The following MAD2L1BP variants were observed in gnomAD, a reference collection of about 807,000 sequenced individuals.
MAD2L1BP encodes the protein MAD2L1 binding protein, also known as MAD2L1-binding protein.
Under a neutral mutation model 28.4 loss-of-function variants are expected in MAD2L1BP, and 22 were observed. The ratio of observed to expected loss-of-function variants is 0.77; its 90% confidence interval spans 0.55 to 1.10. The LOEUF (loss-of-function observed/expected upper bound fraction) is 1.10. Among genes scored for constraint, MAD2L1BP ranks in the 50% least tolerant of loss-of-function variants. The pLI, the probability that MAD2L1BP is intolerant of heterozygous loss-of-function variation, is 0.00. For missense variants in MAD2L1BP, 325 were observed against 350.5 expected (o/e 0.93, Z 0.58); for synonymous variants, 146 against 133.7 (o/e 1.09, Z -0.63).
At chr6:43,639,649 C>T (rs1156750657) in intron 2 of MAD2L1BP, among the ~76,000 whole-genome samples, 1 of 152,156 alleles carries the variant, frequency 6.6e-6, no homozygotes, top group African/African-American at 2.4e-5. Context: ...AGTGGAAGAA[C>T]AAGTTCAAAG....
At chr6:43,636,785 C>T (rs1770249822) in intron 2 of MAD2L1BP, 139 bp downstream of exon 2, 2 of 996,024 alleles carry the variant, frequency 2.0e-6, no homozygotes, top group African/African-American at 1.6e-5. Context: ...TTTCTCCCCA[C>T]TCTAGTCTTT....
At position 43,640,119 on chromosome 6, in the gene MAD2L1BP, C is replaced by T. The variant is rs181260650; in HGVS notation, c.411C>T (p.His137=). ...ALAELESVLS[H]LEDFFARTLV... ...CAGAACTGGAGAGTGTCCTCAGCCACCTGGAGGACTTCTTTGCACGGACAC... is the reference window on the plus strand; with the variant it reads ...CAGAACTGGAGAGTGTCCTCAGCCATCTGGAGGACTTCTTTGCACGGACAC... The change falls in exon 3 of 3, where the codon CAC becomes CAT. Residue 137 remains histidine (H), a synonymous_variant. Transcript: ENST00000372171. 139 of 1,609,164 alleles carry T rather than the reference C, an allele frequency of 8.6e-5. 1 individual carries two copies. The East Asian group carries it at 1.6e-3, about 19-fold the overall frequency.
At chr6:43,630,810 GAGGC>G (rs1261814810) in intron 1 of MAD2L1BP, among the ~76,000 whole-genome samples, 1 of 149,612 alleles carries the variant, frequency 6.7e-6, no homozygotes, top group Non-Finnish European at 1.5e-5. Context: ...TCGGGAGACT[GAGGC>G]AGGAGAATCG....
upstream of MAD2L1BP, among the ~76,000 whole-genome samples, chr6:43,635,454 T>C (rs554538867): frequency 2.0e-5 from 3 of 152,360 alleles, no homozygotes; most frequent in South Asian, 6.2e-4. Flanking sequence ...TACACTTTTC[T>C]GTATAATTCA....
chr6:43,635,716 C>G, upstream of MAD2L1BP: 1 of 636,294 alleles, frequency 1.6e-6, no homozygotes, highest in Non-Finnish European at 2.5e-6. Flanking sequence ...AAAGGAGGAA[C>G]GCAGGGTTCA....
At chr6:43,636,720 G>T in intron 2 of MAD2L1BP, 74 bp downstream of exon 2, 1 of 1,528,346 alleles carries the variant, frequency 6.5e-7, no homozygotes, top group Non-Finnish European at 8.9e-7. Flanking sequence ...TAGAAAGGGG[G>T]TCTAAGAAAT....
At position 43,636,619 on chromosome 6, in the gene MAD2L1BP, G is replaced by A. The variant is rs756842492; in HGVS notation, c.285G>A (p.Lys95=). The A allele has an allele frequency of 5.0e-6, 8 of 1,613,534 alleles. No individual in the cohort carries two copies. In the South Asian group the frequency reaches 5.5e-5, roughly 11 times the overall value. The part of the protein sequence containing the change: ...QQLPLPYEQL[K]HFYRKPSPQA... Reference sequence around the variant, plus strand: ...TCCCTCTGCCCTATGAACAGCTTAAGCACTTTTACCGAAAACCTTCTCCCC... The same window carrying A: ...TCCCTCTGCCCTATGAACAGCTTAAACACTTTTACCGAAAACCTTCTCCCC... The change falls in exon 2 of 3, where the codon AAG becomes AAA. Residue 95 remains lysine (K), a synonymous_variant. Coordinates refer to ENST00000372171, the MANE Select transcript of MAD2L1BP (RefSeq NM_014628.3).
chr6:43,633,423 C>T (rs1040958049), upstream of MAD2L1BP: 5 of 267,112 alleles, frequency 1.9e-5, no homozygotes, highest in East Asian at 4.6e-4. Context: ...CTGCACACCT[C>T]GACCTCCCAA....
intron 2 of MAD2L1BP, among the ~76,000 whole-genome samples, chr6:43,637,843 C>T (rs2127864837): frequency 6.6e-6 from 1 of 152,212 alleles, no homozygotes; most frequent in South Asian, 2.1e-4. Flanking sequence ...AGGTGATCCG[C>T]CTGCCTCAGC....
chr6:43,638,523 G>A (rs1423867502), intron 2 of MAD2L1BP, among the ~76,000 whole-genome samples: 9 of 151,710 alleles, frequency 5.9e-5, no homozygotes, highest in East Asian at 2.0e-4. Context: ...TTGGCCGGGC[G>A]CGGTGGCTCA....
In MAD2L1BP at chr6:43,640,628, C is replaced by T; in HGVS notation, c.*95C>T. Reference sequence around the variant, plus strand: ...TCTGGTTTGGAGCTAGAGTTGCTTCCTGGTGAGAGAGGAAGCAACTCTCCT... The same window carrying T: ...TCTGGTTTGGAGCTAGAGTTGCTTCTTGGTGAGAGAGGAAGCAACTCTCCT... On this transcript the variant is annotated 3_prime_UTR_variant, in exon 3 of 3. Coordinates refer to ENST00000372171, the MANE Select transcript of MAD2L1BP (RefSeq NM_014628.3). 7.2e-7 allele frequency: 1 copy of T among 1,381,228 alleles called. No individual in the cohort carries two copies. Among genetic ancestry groups the T allele is most frequent in the Non-Finnish European group, 9.7e-7 (1 of 1,033,622 alleles). 85.6% of individuals were successfully genotyped at this position (1,381,228 alleles called of 1,614,324 possible).
Position 43,637,321 on chromosome 6 carries a change from T to G in MAD2L1BP, c.312+675T>G, listed in dbSNP as rs573273741. Among the ~76,000 whole-genome samples the G allele has an allele frequency of 3.1e-3, 468 of 151,990 alleles. 3 individuals carry two copies. Among genetic ancestry groups the G allele is most frequent in the African/African-American group, 0.01 (432 of 41,468 alleles). ...CTCAAGTGATCTGCCCGCCTTGGCCTCTCCCAAAGTGCTGGGATTACAGGC... is the reference window on the plus strand; with the variant it reads ...CTCAAGTGATCTGCCCGCCTTGGCCGCTCCCAAAGTGCTGGGATTACAGGC... On this transcript the variant is annotated intron_variant, in intron 2 of 2. Coordinates refer to ENST00000372171, the MANE Select transcript of MAD2L1BP (RefSeq NM_014628.3).
At position 43,640,441 on chromosome 6, in the gene MAD2L1BP, C is replaced by G; in HGVS notation, c.733C>G (p.Leu245Val). The change falls in exon 3 of 3, where the codon CTG becomes GTG. Residue 245 changes from leucine (L) to valine (V), a missense_variant. Coordinates refer to ENST00000372171, the MANE Select transcript of MAD2L1BP (RefSeq NM_014628.3). The stretch of plus-strand genomic sequence containing the variant: ...CCGGGGCCATAAACTGACTGTGACC[C>G]TGTCATGTGGCAGACCTTCCATCCG... ...PSRGHKLTVT[L>V]SCGRPSIRTT... 1 of 1,613,884 alleles carries G rather than the reference C, an allele frequency of 6.2e-7. No homozygotes were observed. The highest frequency in any genetic ancestry group is 1.1e-5 in the South Asian group (1 of 91,066).
At chr6:43,629,604 A>C (rs1341248232) in exon 1 of MAD2L1BP, 1 of 813,346 alleles carries the variant, frequency 1.2e-6, no homozygotes, top group African/African-American at 1.7e-5. Flanking sequence ...AAGAGCTTAC[A>C]TCAGAATCGA....
At chr6:43,630,811 A>C (rs1333642571) in intron 1 of MAD2L1BP, among the ~76,000 whole-genome samples, 1 of 147,564 alleles carries the variant, frequency 6.8e-6, no homozygotes, top group Non-Finnish European at 1.5e-5. Context: ...CGGGAGACTG[A>C]GGCAGGAGAA....
At chr6:43,632,258 C>CT (rs1197422575), upstream of MAD2L1BP, among the ~76,000 whole-genome samples, 623 of 108,844 alleles carry the variant, frequency 5.7e-3, 7 homozygotes, top group Non-Finnish European at 7.7e-3. Context: ...GATTGATTGA[C>CT]TTTTTTTTTT....
At chr6:43,634,904 C>A (rs536906977), upstream of MAD2L1BP, among the ~76,000 whole-genome samples, 1 of 152,160 alleles carries the variant, frequency 6.6e-6, no homozygotes, top group African/African-American at 2.4e-5. Context: ...TAAATCAATC[C>A]CCAAGTTATG....
chr6:43,630,388 C>T (rs904405145), intron 1 of MAD2L1BP, among the ~76,000 whole-genome samples: 4 of 152,204 alleles, frequency 2.6e-5, no homozygotes, highest in Non-Finnish European at 5.9e-5. Flanking sequence ...AGACCACTCA[C>T]AGTGTGTCCA....
intron 2 of MAD2L1BP, among the ~76,000 whole-genome samples, chr6:43,637,311 C>T (rs138910208): frequency 2.6e-5 from 4 of 152,018 alleles, no homozygotes; most frequent in Non-Finnish European, 4.4e-5. Flanking sequence ...GTGATCTGCC[C>T]GCCTTGGCCT....
Sources: gnomAD v4.1 joint callset for allele counts (sites outside exome capture counted in the v4.1 genomes callset) on GRCh38, gnomAD v4.1.1 for gene constraint, MANE v1.5 for transcripts, NCBI Gene and HGNC (gene_info 2026-07-23, HGNC 2026-07-21) for gene names.